The following SNX29 variants were observed in gnomAD, a reference collection of about 807,000 sequenced individuals.
SNX29 encodes the protein sorting nexin-29.
Under a neutral mutation model 102.1 loss-of-function variants are expected in SNX29, and 78 were observed. The ratio of observed to expected loss-of-function variants is 0.76; its 90% CI spans 0.64 to 0.92. The LOEUF is 0.92. Among genes scored for constraint, SNX29 ranks in the 40% least tolerant of loss-of-function variants. The pLI is 0.00. For synonymous variants in SNX29, 580 were observed against 414.5 expected (o/e 1.40, Z -4.85); for missense variants, 1,280 against 1,061.7 (o/e 1.21, Z -2.86).
intron 15 of SNX29, among the ~76,000 whole-genome samples, chr16:12,290,307 G>T (rs2079751002): frequency 6.6e-6 from 1 of 152,184 alleles, no homozygotes; most frequent in African/African-American, 2.4e-5. Context: ...CACACAGGCA[G>T]GTGTAAGGTC....
chr16:12,013,500 A>AATATATATATATATATATATATATAT (rs66491414), intron 3 of SNX29, among the ~76,000 whole-genome samples: 1 of 31,620 alleles, frequency 3.2e-5, no homozygotes, highest in Admixed American at 5.6e-4. Context: ...AAAAAAAAAA[A>AATATATATATATATATATATATATAT]ATATATATAT....
At chr16:12,555,884 G>A (rs1567191913) in intron 20 of SNX29, among the ~76,000 whole-genome samples, 1 of 151,764 alleles carries the variant, frequency 6.6e-6, no homozygotes, top group East Asian at 1.9e-4. Flanking sequence ...CGTGCTTTCT[G>A]CCCTCCTGTT....
intron 18 of SNX29, among the ~76,000 whole-genome samples, chr16:12,409,244 C>G (rs996865001): frequency 6.6e-6 from 1 of 152,108 alleles, no homozygotes; most frequent in African/African-American, 2.4e-5. Context: ...AATCCAGTAC[C>G]TTGTTTTGCT....
chr16:12,015,574 C>T lies in SNX29; in HGVS notation c.123-11746C>T, dbSNP rs138636353. On this transcript the variant is annotated intron_variant, in intron 3 of 20. Coordinates refer to ENST00000566228, the MANE Select transcript of SNX29 (RefSeq NM_032167.5). ...TTTCCGAGACGGAGTCTTGCTCTGT[C>T]GCCCAGGCTGGAGTGCAGTGATGCG... Among the ~76,000 whole-genome samples, 694 of 145,764 alleles carry T rather than the reference C, an allele frequency of 4.8e-3. 8 individuals carry two copies. Among genetic ancestry groups the T allele is most frequent in the African/African-American group, 0.016 (631 of 39,332 alleles).
chr16:12,049,529 C>T lies in SNX29; in HGVS notation c.748+909C>T, dbSNP rs973058321. Among the ~76,000 whole-genome samples the T allele has an allele frequency of 5.3e-5, 8 of 152,164 alleles. No homozygotes were observed. The East Asian group carries it at 7.7e-4, about 15-fold the overall frequency. On this transcript the variant is annotated intron_variant, in intron 7 of 20. Transcript: ENST00000566228. ...TGTATTTTTAGCAGAGACAGGGTTTCCCCATGTTGGCCAGGCTGGTCTTGA... is the reference window on the plus strand; with the variant it reads ...TGTATTTTTAGCAGAGACAGGGTTTTCCCATGTTGGCCAGGCTGGTCTTGA...
At chr16:12,106,540 G>C (rs1270144830) in intron 11 of SNX29, among the ~76,000 whole-genome samples, 1 of 149,586 alleles carries the variant, frequency 6.7e-6, no homozygotes, top group South Asian at 2.1e-4. Context: ...GTGGAATGAT[G>C]ATACCTTATG....
intron 14 of SNX29, among the ~76,000 whole-genome samples, chr16:12,257,770 C>T (rs537884856): frequency 6.6e-6 from 1 of 151,694 alleles, no homozygotes; most frequent in Non-Finnish European, 1.5e-5. Context: ...TCAAGTAGTC[C>T]TCCCACCTCA....
chr16:12,331,825 T>G (rs2081299656), intron 15 of SNX29, among the ~76,000 whole-genome samples: 1 of 152,208 alleles, frequency 6.6e-6, no homozygotes. Flanking sequence ...GTGCTGGGAT[T>G]ACAAGTGTGA....
intron 1 of SNX29, among the ~76,000 whole-genome samples, chr16:11,996,568 A>G (rs2056080968): frequency 6.6e-6 from 1 of 152,164 alleles, no homozygotes; most frequent in African/African-American, 2.4e-5. Flanking sequence ...AATTGCTTTT[A>G]TGATGAGAAA....
intron 15 of SNX29, among the ~76,000 whole-genome samples, chr16:12,298,285 TATG>T (rs1449943456): frequency 4.6e-5 from 7 of 152,132 alleles, no homozygotes; most frequent in African/African-American, 1.4e-4. Context: ...GAATAACTGG[TATG>T]ATGATGATGA....
rs115497206 is a variant in SNX29, at chr16:12,050,549, G to C, written c.749-1298G>C. Among the ~76,000 whole-genome samples, 476 of 152,194 alleles carry C rather than the reference G, an allele frequency of 3.1e-3. 4 individuals carry two copies. Among genetic ancestry groups the C allele is most frequent in the African/African-American group, 0.011 (442 of 41,530 alleles). On this transcript the variant is annotated intron_variant, in intron 7 of 20. Transcript: ENST00000566228. ...CCAAGATGGCCCCATCCACGTGTCT[G>C]GAATCAGTGCTGGGGCAGCTCGGGT...
Position 12,140,023 on chromosome 16 carries a change from C to T in SNX29, c.1595+10265C>T, listed in dbSNP as rs2054814925. Among the ~76,000 whole-genome samples the T allele has an allele frequency of 1.4e-5, 2 of 147,916 alleles. 1 individual carries two copies. The highest frequency in any genetic ancestry group is 3.0e-5 in the Non-Finnish European group (2 of 67,048). On this transcript the variant is annotated intron_variant, in intron 13 of 20. Transcript: ENST00000566228. ...AAAAAAAGGAAAAGGAATCTTACCA[C>T]TTAGAGTCAGTAGTAGGTGACAGAA...
intron 14 of SNX29, among the ~76,000 whole-genome samples, chr16:12,236,194 A>T (rs998032733): frequency 6.6e-6 from 1 of 152,088 alleles, no homozygotes; most frequent in Non-Finnish European, 1.5e-5. Context: ...TGTTGCCCCA[A>T]CAGTTAATAC....
intron 15 of SNX29, among the ~76,000 whole-genome samples, chr16:12,347,317 C>T (rs142007045): frequency 1.5e-4 from 23 of 152,122 alleles, no homozygotes; most frequent in African/African-American, 4.3e-4. Flanking sequence ...GGATGAGTCC[C>T]GAGATTCCAG....
At chr16:12,515,619 G>A (rs1450205343) in intron 19 of SNX29, 1 of 487,198 alleles carries the variant, frequency 2.1e-6, no homozygotes, top group South Asian at 1.5e-5. Context: ...CCTCCTCCCA[G>A]GTGCCTTCCT....
At chr16:12,386,146 T>C (rs1448082252) in intron 16 of SNX29, among the ~76,000 whole-genome samples, 1 of 152,158 alleles carries the variant, frequency 6.6e-6, no homozygotes, top group African/African-American at 2.4e-5. Context: ...AGCCAGCACC[T>C]CCTGATCCAG....
chr16:12,158,170 C>T (rs540369559), intron 13 of SNX29, among the ~76,000 whole-genome samples: 83 of 152,084 alleles, frequency 5.5e-4, no homozygotes, highest in African/African-American at 1.7e-3. Context: ...CCTCTACCTC[C>T]CAGGTAGAGC....
chr16:12,179,940 A>G (rs1040138786), intron 13 of SNX29, among the ~76,000 whole-genome samples: 49 of 152,188 alleles, frequency 3.2e-4, no homozygotes, highest in African/African-American at 1.1e-3. Context: ...ACTAGACTAT[A>G]TCTAGGTGTT....
intron 8 of SNX29, among the ~76,000 whole-genome samples, chr16:12,057,570 C>G (rs1428333850): frequency 6.6e-6 from 1 of 152,076 alleles, no homozygotes; most frequent in African/African-American, 2.4e-5. Context: ...GAGAACATAC[C>G]CTCGATTCAG....
Sources: gnomAD v4.1 joint callset for allele counts (sites outside exome capture counted in the v4.1 genomes callset) on GRCh38, gnomAD v4.1.1 for gene constraint, MANE v1.5 for transcripts, NCBI Gene and HGNC (gene_info 2026-07-23, HGNC 2026-07-21) for gene names.